The following WDR11 variants were observed in gnomAD, a reference collection of about 807,000 sequenced individuals.
WDR11 encodes WD repeat domain 11.
A neutral mutation model predicts 151.2 loss-of-function variants in WDR11; 83 were observed. The observed-to-expected ratio is 0.55, with a 90% CI of 0.46 to 0.66. The LOEUF (loss-of-function observed/expected upper bound fraction) is 0.66, where lower values mean the gene tolerates loss of function less well. WDR11 is among the 30% of genes least tolerant of loss of function. The probability of loss-of-function intolerance (pLI) is 0.00; values close to 1 mark genes in which losing one functional copy is unlikely to be tolerated. For missense variants in WDR11, 1,301 were observed against 1,480.9 expected (o/e 0.88, Z 1.99); for synonymous variants, 484 against 533.1 (o/e 0.91, Z 1.27).
chr10:120,851,426 G>GCCC lies in WDR11; in HGVS notation c.7_9dup (p.Pro3dup). On this transcript the variant is annotated inframe_insertion, in exon 1 of 29. Coordinates refer to ENST00000263461, the MANE Select transcript of WDR11 (RefSeq NM_018117.12). ...GTCCTGGGCTGGCCGCCGGGATGTT[G>GCCC]CCCTACACAGTGAACTTCAAGGTGT... 6.2e-7 allele frequency: 1 copy of GCCC among 1,611,018 alleles called. No homozygotes were observed. Among genetic ancestry groups the GCCC allele is most frequent in the Non-Finnish European group, 8.5e-7 (1 of 1,179,342 alleles).
At chr10:120,859,893 T>G (rs541033944) in intron 3 of WDR11, among the ~76,000 whole-genome samples, 4 of 152,250 alleles carry the variant, frequency 2.6e-5, no homozygotes, top group African/African-American at 9.6e-5. Flanking sequence ...AATTTTTACC[T>G]TGAGAGTTTA....
At chr10:120,897,826 G>A (rs1285583389) in intron 19 of WDR11, among the ~76,000 whole-genome samples, 1 of 152,024 alleles carries the variant, frequency 6.6e-6, no homozygotes, top group Non-Finnish European at 1.5e-5. Context: ...GAATAACAAG[G>A]GACTTTTGAA....
chr10:120,856,028 C>T (rs1845933518), intron 2 of WDR11: 1 of 152,176 alleles, frequency 6.6e-6, no homozygotes, highest in Non-Finnish European at 1.5e-5. Flanking sequence ...CTCTCTGTTT[C>T]CTTTCCCCTA....
At chr10:120,905,544 A>G in intron 26 of WDR11, 128 bp downstream of exon 26, 1 of 966,032 alleles carries the variant, frequency 1.0e-6, no homozygotes, top group Non-Finnish European at 1.6e-6. Flanking sequence ...CTGTCTTGGA[A>G]CCTTTATCCT....
At chr10:120,859,984 A>G (rs1376406212) in intron 3 of WDR11, 125 bp from the exon 4 acceptor site, 2 of 1,040,750 alleles carry the variant, frequency 1.9e-6, no homozygotes, top group African/African-American at 1.6e-5. Context: ...CACACGTCAC[A>G]TTTGGGGCTG....
intron 19 of WDR11, among the ~76,000 whole-genome samples, chr10:120,898,956 T>C (rs1413490722): frequency 1.3e-5 from 2 of 152,168 alleles, no homozygotes; most frequent in East Asian, 3.8e-4. Flanking sequence ...AAGGGATCCA[T>C]GGATAAAGCC....
intron 3 of WDR11, 35 bp downstream of exon 3, chr10:120,858,831 G>C: frequency 6.2e-7 from 1 of 1,612,722 alleles, no homozygotes; most frequent in Middle Eastern, 1.7e-4. Context: ...TGTGTATATT[G>C]ATACACTTAC....
At chr10:120,870,327 A>AT (rs1239291824) in intron 9 of WDR11, among the ~76,000 whole-genome samples, 1 of 152,116 alleles carries the variant, frequency 6.6e-6, no homozygotes, top group East Asian at 1.9e-4. Flanking sequence ...GTGTGTAGAC[A>AT]TGTATGTATA....
chr10:120,871,494 TAAA>T (rs5788450), intron 10 of WDR11, 148 bp downstream of exon 10: 61 of 486,416 alleles, frequency 1.3e-4, no homozygotes, highest in African/African-American at 1.6e-4. Flanking sequence ...TCCTGGAACT[TAAA>T]AAAAAAAAAA....
chr10:120,888,098 T>C lies in WDR11; in HGVS notation c.2122-980T>C, dbSNP rs543550428. Among the ~76,000 whole-genome samples, 14 of 152,314 alleles carry C rather than the reference T, an allele frequency of 9.2e-5. No homozygotes were observed. The South Asian group carries it at 2.9e-3, about 32-fold the overall frequency. On this transcript the variant is annotated intron_variant, in intron 16 of 28. Transcript: ENST00000263461. ...GAGTTTTCTTACTTTTTACCATGGA[T>C]ACCATTTGAATTTTTATGTTGTACA... is the stretch of plus-strand genomic sequence containing the variant.
At chr10:120,874,332 T>TA (rs1846678494) in intron 11 of WDR11, among the ~76,000 whole-genome samples, 1 of 151,704 alleles carries the variant, frequency 6.6e-6, no homozygotes. Flanking sequence ...TGGATATCCT[T>TA]ACGTTGCCTT....
intron 5 of WDR11, among the ~76,000 whole-genome samples, chr10:120,864,555 A>G (rs1846247986): frequency 6.6e-6 from 1 of 152,180 alleles, no homozygotes; most frequent in African/African-American, 2.4e-5. Context: ...AAGACAGCTT[A>G]AAAGTGAATG....
intron 22 of WDR11, among the ~76,000 whole-genome samples, chr10:120,902,601 C>T (rs1022470548): frequency 4.6e-5 from 7 of 151,416 alleles, no homozygotes; most frequent in Non-Finnish European, 1.0e-4. Context: ...TTTAAATATA[C>T]CAATAAATTA....
chr10:120,884,532 T>C (rs182425616), intron 14 of WDR11, among the ~76,000 whole-genome samples: 61 of 151,798 alleles, frequency 4.0e-4, no homozygotes, highest in Middle Eastern at 3.4e-3. Context: ...AGCTATAAAA[T>C]TGAATATAAC....
chr10:120,896,219 G>T (rs1847609755), intron 19 of WDR11, among the ~76,000 whole-genome samples: 1 of 152,112 alleles, frequency 6.6e-6, no homozygotes, highest in Non-Finnish European at 1.5e-5. Context: ...TAGCCTGCTT[G>T]TGTACAAAGG....
Position 120,905,385 on chromosome 10 carries a change from G to A in WDR11, c.3260G>A (p.Gly1087Asp). ...ADACRYLQTY[G>D]EWNRAAWLAK... ...GCCTGCCGCTACCTGCAGACATACG[G>A]CGAGTGGAATCGGGCTGCATGGCTG... The change falls in exon 26 of 29, where the codon GGC (glycine) becomes GAC (aspartate). Residue 1087 changes from glycine (G) to aspartate (D), a missense_variant. By Grantham distance (94) the Gly-to-Asp change is moderately conservative. Transcript: ENST00000263461. 6.2e-7 allele frequency: 1 copy of A among 1,614,176 alleles called. No individual in the cohort carries two copies. The highest frequency in any genetic ancestry group is 8.5e-7 in the Non-Finnish European group (1 of 1,180,034).
intron 19 of WDR11, among the ~76,000 whole-genome samples, chr10:120,892,059 T>C (rs527574948): frequency 3.9e-4 from 59 of 152,272 alleles, no homozygotes; most frequent in African/African-American, 1.3e-3. Context: ...TTTGAAAAAA[T>C]TGGTTACTAA....
intron 13 of WDR11, among the ~76,000 whole-genome samples, chr10:120,882,060 G>A (rs566527286): frequency 2.0e-5 from 3 of 152,008 alleles, no homozygotes; most frequent in Non-Finnish European, 4.4e-5. Flanking sequence ...TTATGAGTAG[G>A]TGTTGAATTT....
Position 120,882,365 on chromosome 10 carries a change from T to A in WDR11, c.1740-1415T>A, listed in dbSNP as rs72842612. ...CGTTTTTATGTAATATCCTTTGTTT[T>A]GGTATCAGGGTAATACTGACCTTGC... On this transcript the variant is annotated intron_variant, in intron 13 of 28. Coordinates refer to ENST00000263461, the MANE Select transcript of WDR11 (RefSeq NM_018117.12). 7.4e-3 allele frequency among the ~76,000 whole-genome samples: 1,126 copies of A among 152,134 alleles called. 6 individuals carry two copies. The highest frequency in any genetic ancestry group is 0.012 in the Non-Finnish European group (813 of 67,930).
Sources: gnomAD v4.1 joint callset for allele counts (sites outside exome capture counted in the v4.1 genomes callset) on GRCh38, gnomAD v4.1.1 for gene constraint, MANE v1.5 for transcripts, NCBI Gene and HGNC (gene_info 2026-07-23, HGNC 2026-07-21) for gene names.